The following FAT3 variants were observed in gnomAD, a reference collection of about 807,000 sequenced individuals.
FAT3 encodes the protein FAT atypical cadherin 3.
In FAT3, 95 loss-of-function variants were observed where a neutral mutation model predicts 310.2. That is an observed-to-expected ratio of 0.31 (90% CI 0.26 to 0.36). FAT3 has a LOEUF of 0.36. Ranked by LOEUF, FAT3 falls within the 10% of genes least tolerant of loss-of-function variation. The pLI is 1.00. For missense variants in FAT3, 5,408 were observed against 5,715.6 expected (o/e 0.95, Z 1.74); for synonymous variants, 2,314 against 2,192.9 (o/e 1.06, Z -1.54).
chr11:92,229,484 T>G (rs2134222319), intron 1 of FAT3, among the ~76,000 whole-genome samples: 1 of 139,848 alleles, frequency 7.2e-6, no homozygotes, highest in South Asian at 2.3e-4. Context: ...CTTTTTTTGT[T>G]TTTTCGTGTT....
At chr11:92,666,801 G>T (rs970560891) in intron 3 of FAT3, among the ~76,000 whole-genome samples, 6 of 152,258 alleles carry the variant, frequency 3.9e-5, no homozygotes, top group African/African-American at 1.4e-4. Context: ...CAGCCATATT[G>T]CCGCAAGACA....
intron 2 of FAT3, among the ~76,000 whole-genome samples, chr11:92,455,922 T>A (rs1951483393): frequency 6.6e-6 from 1 of 152,192 alleles, no homozygotes; most frequent in African/African-American, 2.4e-5. Context: ...AATGGTACTC[T>A]AGTTCAGCTT....
At chr11:92,450,856 C>T (rs958409215) in intron 2 of FAT3, among the ~76,000 whole-genome samples, 3 of 152,130 alleles carry the variant, frequency 2.0e-5, no homozygotes, top group Non-Finnish European at 4.4e-5. Context: ...AGTATGGCCC[C>T]TTTTAATTGC....
At chr11:92,269,991 G>A (rs897397451) in intron 1 of FAT3, among the ~76,000 whole-genome samples, 1 of 152,094 alleles carries the variant, frequency 6.6e-6, no homozygotes, top group Non-Finnish European at 1.5e-5. Flanking sequence ...ATAATTGATG[G>A]TGAGGCATCT....
Position 92,891,341 on chromosome 11 carries a change from T to C in FAT3, c.*228T>C. The C allele has an allele frequency of 1.7e-6, 1 of 593,420 alleles. No individual in the cohort carries two copies. The highest frequency in any genetic ancestry group is 1.9e-5 in the African/African-American group (1 of 53,720). 36.8% of individuals were successfully genotyped at this position (593,420 alleles called of 1,614,324 possible). On this transcript the variant is annotated 3_prime_UTR_variant, in exon 28 of 28. Transcript: ENST00000525166. ...TTGAGAGGTGACTGGTAATCCTTGA[T>C]GTAGGTACCTATGTTCACAGCTAAA...
At chr11:92,333,858 ATC>A (rs1947984485) in intron 1 of FAT3, among the ~76,000 whole-genome samples, 1 of 152,010 alleles carries the variant, frequency 6.6e-6, no homozygotes, top group South Asian at 2.1e-4. Context: ...TTCCTAAAAC[ATC>A]TCTTTAATCA....
intron 1 of FAT3, among the ~76,000 whole-genome samples, chr11:92,270,788 A>C (rs990789487): frequency 1.3e-5 from 2 of 152,072 alleles, no homozygotes; most frequent in African/African-American, 4.8e-5. Flanking sequence ...ATATACATAC[A>C]TGTCTAAACA....
At chr11:92,636,769 GA>G (rs1490281074) in intron 3 of FAT3, among the ~76,000 whole-genome samples, 5 of 152,182 alleles carry the variant, frequency 3.3e-5, no homozygotes, top group African/African-American at 9.7e-5. Flanking sequence ...TATTGCTCAG[GA>G]AGCCTGTTTC....
At chr11:92,272,154 A>G (rs1196239074) in intron 1 of FAT3, among the ~76,000 whole-genome samples, 2 of 152,042 alleles carry the variant, frequency 1.3e-5, no homozygotes, top group East Asian at 3.9e-4. Context: ...TCAGATGGAG[A>G]GGTGATGGAA....
chr11:92,474,506 A>G (rs139149838), intron 2 of FAT3, among the ~76,000 whole-genome samples: 437 of 152,260 alleles, frequency 2.9e-3, no homozygotes, highest in African/African-American at 0.01. Flanking sequence ...TGCTGGGCAT[A>G]CAGGAAGGGG....
At chr11:92,627,998 T>C (rs1941399943) in intron 3 of FAT3, among the ~76,000 whole-genome samples, 1 of 152,094 alleles carries the variant, frequency 6.6e-6, no homozygotes, top group South Asian at 2.1e-4. Flanking sequence ...ACCTCAGAAA[T>C]GTTGACTCGC....
At chr11:92,342,935 T>C (rs1253689173) in intron 1 of FAT3, among the ~76,000 whole-genome samples, 2 of 152,160 alleles carry the variant, frequency 1.3e-5, no homozygotes, top group African/African-American at 4.8e-5. Flanking sequence ...AGAGAAGTGA[T>C]TTTTAAAAGG....
intron 2 of FAT3, among the ~76,000 whole-genome samples, chr11:92,443,032 G>T (rs1164819431): frequency 1.3e-5 from 2 of 152,176 alleles, no homozygotes; most frequent in Non-Finnish European, 2.9e-5. Flanking sequence ...GACAAATGCT[G>T]ATTTCTCTTA....
intron 2 of FAT3, among the ~76,000 whole-genome samples, chr11:92,360,645 G>T (rs927338583): frequency 3.9e-5 from 6 of 152,122 alleles, no homozygotes; most frequent in African/African-American, 1.2e-4. Flanking sequence ...GTTAATTAAA[G>T]AAATATTTAA....
In FAT3 at chr11:92,370,088, A is replaced by G. The variant is rs570520607; in HGVS notation, c.3292+14684A>G. Among the ~76,000 whole-genome samples the G allele has an allele frequency of 3.9e-5, 6 of 152,314 alleles. No homozygotes were observed. In the South Asian group the frequency reaches 1.0e-3, roughly 26 times the overall value. ...GTTCTTTCACTCAGACTCATTCTCC[A>G]TATTCTAAAAGTGTAACTTGAGGGA... On this transcript the variant is annotated intron_variant, in intron 2 of 27. Transcript: ENST00000525166.
chr11:92,844,366 C>T lies in FAT3; in HGVS notation c.10999C>T (p.His3667Tyr), dbSNP rs775806768. ...SPEDFVGLHM[H>Y]GFRRTLRNAV... ...TGAGGACTTCGTGGGGCTGCACATG[C>T]ATGGGTTCCGGCGCACCCTGCGGAA... Residue 3667 changes from histidine to tyrosine, a missense_variant, in exon 19 of 28, where the codon CAT (histidine) becomes TAT (tyrosine). His to Tyr is a moderately conservative substitution (Grantham distance 83). Transcript: ENST00000525166. The T allele has an allele frequency of 3.7e-6, 6 of 1,613,968 alleles. No individual in the cohort carries two copies. Among genetic ancestry groups the T allele is most frequent in the South Asian group, 2.2e-5 (2 of 91,088 alleles).
intron 7 of FAT3, among the ~76,000 whole-genome samples, chr11:92,779,915 C>T (rs558780969): frequency 6.6e-6 from 1 of 152,238 alleles, no homozygotes; most frequent in East Asian, 1.9e-4. Flanking sequence ...AAGGAATTAA[C>T]GCAGCCTTAA....
rs202007490 is a variant in FAT3 at position 92,227,914 on chromosome 11, G to GT, written c.-18+2748dup. 1.1e-4 allele frequency among the ~76,000 whole-genome samples: 13 copies of GT among 120,932 alleles called. 1 individual carries two copies. The South Asian group carries it at 2.7e-3, about 25-fold the overall frequency. 79.3% of individuals were successfully genotyped at this position (120,932 alleles called of 152,430 possible). A position where few individuals can be genotyped will look rare whatever the true frequency, so the allele number is the denominator to read the frequency against. The stretch of plus-strand genomic sequence containing the variant: ...ATTTAATAGGGTTGGAGTGGGGGAA[G>GT]TTTTTTTTATTTTTTTTTTAACATT... On this transcript the variant is annotated intron_variant, in intron 1 of 27. Transcript: ENST00000525166.
chr11:92,704,226 C>T (rs1944194041), intron 4 of FAT3, among the ~76,000 whole-genome samples: 1 of 152,162 alleles, frequency 6.6e-6, no homozygotes, highest in Non-Finnish European at 1.5e-5. Flanking sequence ...TCCACCACCC[C>T]CTCAGCTAAT....
Sources: gnomAD v4.1 joint callset for allele counts (sites outside exome capture counted in the v4.1 genomes callset) on GRCh38, gnomAD v4.1.1 for gene constraint, MANE v1.5 for transcripts, NCBI Gene and HGNC (gene_info 2026-07-23, HGNC 2026-07-21) for gene names.